Variants in EIF2B4 observed in about 807,000 individuals in gnomAD.
The protein encoded by EIF2B4 is eukaryotic translation initiation factor 2B subunit delta.
Under a neutral mutation model 66.7 loss-of-function variants are expected in EIF2B4, and 34 were observed. That is an observed-to-expected ratio of 0.51 (90% CI 0.39 to 0.68). EIF2B4 has a LOEUF of 0.68. Among genes scored for constraint, EIF2B4 ranks in the 30% least tolerant of loss-of-function variants. The pLI is 0.00. For missense variants in EIF2B4, 618 were observed against 657.9 expected, an observed-to-expected ratio of 0.94 and a Z score of 0.66; for synonymous variants, 278 against 253.6, an observed-to-expected ratio of 1.10 and a Z score of -0.92.
rs41288827 is a variant in EIF2B4 at position 27,364,399 on chromosome 2, G to C, written c.*1C>G. The C allele has an allele frequency of 6.2e-6, 10 of 1,613,838 alleles. No individual in the cohort carries two copies. In the East Asian group the frequency reaches 2.0e-4, roughly 32 times the overall value. On this transcript the variant is annotated 3_prime_UTR_variant, in exon 13 of 13. Coordinates refer to ENST00000347454, the MANE Select transcript of EIF2B4 (RefSeq NM_001034116.2). The stretch of plus-strand genomic sequence containing the variant: ...CATTTATTAACCCTGTGTTTCCCCC[G>C]TCACTGGTCACTGCTCTTGACTCGT...
chr2:27,366,658 TCAAAACAAAAA>T, intron 11 of EIF2B4, 90 bp downstream of exon 11: 1 of 1,472,582 alleles, frequency 6.8e-7, no homozygotes, highest in Non-Finnish European at 9.5e-7. Flanking sequence ...CATCCTTATC[TCAAAACAAAAA>T]CAAAACTGTA....
Position 27,368,742 on chromosome 2 carries a change from T to C in EIF2B4, c.419-9A>G. 1 of 1,613,712 alleles carries C rather than the reference T, an allele frequency of 6.2e-7. No individual in the cohort carries two copies. The highest frequency in any genetic ancestry group is 8.5e-7 in the Non-Finnish European group (1 of 1,179,590). ...AGGGAGACGCTTCACTCCTGAAAGA[T>C]AATCATCATGTTTTCAGGACACTGT... On this transcript the variant is annotated splice_polypyrimidine_tract_variant and intron_variant, in intron 4 of 12. Transcript: ENST00000347454.
Position 27,367,009 on chromosome 2 carries a change from T to G in EIF2B4, c.1013+65A>C. On this transcript the variant is annotated intron_variant, in intron 10 of 12. Coordinates refer to ENST00000347454, the MANE Select transcript of EIF2B4 (RefSeq NM_001034116.2). ...TGACTAACTTATTCCCAAAGGCAAG[T>G]GGGTAGTCCCTTCTTCAGATCATTC... The G allele has an allele frequency of 3.1e-6, 5 of 1,614,024 alleles. No homozygotes were observed. In the South Asian group the frequency reaches 5.5e-5, roughly 18 times the overall value.
In EIF2B4 at chr2:27,369,429, C is replaced by T. The variant is rs200290985; in HGVS notation, c.196G>A (p.Ala66Thr). ...AEPETGSAVSAAQCQVGPTRE... is the reference protein window; with the variant it reads ...AEPETGSAVSTAQCQVGPTRE... ...CCTCACTCACCTTGACATTGGGCTG[C>T]AGATACAGCAGAGCCAGTCTCTGGT... The change falls in exon 3 of 13, where the codon GCA (alanine) becomes ACA (threonine). Residue 66 changes from alanine to threonine, a missense_variant. Coordinates refer to ENST00000347454, the MANE Select transcript of EIF2B4 (RefSeq NM_001034116.2). 176 of 1,614,134 alleles carry T rather than the reference C, an allele frequency of 1.1e-4. 1 individual carries two copies. In the Middle Eastern group the frequency reaches 1.7e-3, roughly 15 times the overall value.
At chr2:27,367,331 G>T (rs1051355102) in intron 9 of EIF2B4, 126 bp downstream of exon 9, 3 of 1,574,186 alleles carry the variant, frequency 1.9e-6, no homozygotes, top group African/African-American at 2.7e-5. Context: ...AGTCAGAATG[G>T]CCAAACCATT....
chr2:27,369,067 T>C lies in EIF2B4; in HGVS notation c.357A>G (p.Lys119=). Residue 119 remains lysine, a synonymous_variant, in exon 4 of 13, where the codon AAA becomes AAG. Transcript: ENST00000347454. ...EAERALKQAR[K]GEQGGPPPKA... ...TAGGAGGTGGTCCTCCTTGTTCCCC[T>C]TTTCTTGCCTGTTTCAGGGCCCGCT... 6.2e-7 allele frequency: 1 copy of C among 1,614,156 alleles called. No individual in the cohort carries two copies. Among genetic ancestry groups the C allele is most frequent in the Non-Finnish European group, 8.5e-7 (1 of 1,180,016 alleles).
chr2:27,370,138 G>T, intron 1 of EIF2B4, 146 bp downstream of exon 1: 1 of 1,529,268 alleles, frequency 6.5e-7, no homozygotes, highest in Middle Eastern at 1.7e-4. Flanking sequence ...TGCGCGGCGC[G>T]GGACTGCGCT....
At chr2:27,368,503 T>G in intron 5 of EIF2B4, 40 bp from the exon 6 acceptor site, 1 of 1,586,316 alleles carries the variant, frequency 6.3e-7, no homozygotes, top group Non-Finnish European at 8.7e-7. Context: ...GCCCAGAGTT[T>G]AAAAAGGATG....
chr2:27,369,952 G>A, intron 1 of EIF2B4, 33 bp from the exon 2 acceptor site: 6 of 1,563,938 alleles, frequency 3.8e-6, no homozygotes, highest in Non-Finnish European at 4.3e-6. Flanking sequence ...AAGTGAGCCA[G>A]AGAGACTCCG....
Position 27,367,164 on chromosome 2 carries a change from A to G in EIF2B4, c.923T>C (p.Val308Ala). Residue 308 changes from valine to alanine, a missense_variant, in exon 10 of 13, where the codon GTG becomes GCG. This residue lies in a region of EIF2B4 where 506 missense variants were observed against 511.9 expected (regional missense o/e 0.99). Transcript: ENST00000347454. ...SELRAAIDRY[V>A]QEKIVLAAQA... ...AGCTGCTAGCACAATCTTCTCTTGC[A>G]CATACCGATCAATGGCTGCTCGAAG... is the stretch of plus-strand genomic sequence containing the variant. 4 of 1,614,224 alleles carry G rather than the reference A, an allele frequency of 2.5e-6. No individual in the cohort carries two copies. Among genetic ancestry groups the G allele is most frequent in the Non-Finnish European group, 3.4e-6 (4 of 1,180,042 alleles).
Position 27,364,516 on chromosome 2 carries a change from TCAA to T in EIF2B4, c.1453_1455del (p.Leu485del). 6.2e-7 allele frequency: 1 copy of T among 1,614,162 alleles called. No individual in the cohort carries two copies. Among genetic ancestry groups the T allele is most frequent in the Non-Finnish European group, 8.5e-7 (1 of 1,180,024 alleles). ...GGGGGAGTCACATCATAGACTAGAT[TCAA>T]CAACCGTAGGGATGCGTGGTTCTGC... On this transcript the variant is annotated inframe_deletion, in exon 13 of 13. Coordinates refer to ENST00000347454, the MANE Select transcript of EIF2B4 (RefSeq NM_001034116.2).
chr2:27,365,951 T>C (rs1401576166), intron 11 of EIF2B4: 1 of 152,634 alleles, frequency 6.6e-6, no homozygotes, highest in East Asian at 1.9e-4. Context: ...GACAGCTCAC[T>C]GTAGCCTCAA....
Position 27,369,141 on chromosome 2 carries a change from G to A in EIF2B4, c.283C>T (p.Arg95Trp), listed in dbSNP as rs756288383. 7 of 1,613,248 alleles carry A rather than the reference G, an allele frequency of 4.3e-6. No individual in the cohort carries two copies. The highest frequency in any genetic ancestry group is 2.2e-5 in the East Asian group (1 of 44,870). Residue 95 changes from arginine (R) to tryptophan (W), a missense_variant, in exon 4 of 13, where the codon CGG (arginine) becomes TGG (tryptophan). Transcript: ENST00000347454. ...GTPREKVPAG[R>W]SKAELRAERR... ...TCAGCCCGAAGTTCGGCCTTACTCC[G>A]ACCAGCTGGAACTTTCTCCCGAGGA... is the stretch of plus-strand genomic sequence containing the variant.
intron 1 of EIF2B4, 154 bp from the exon 2 acceptor site, chr2:27,370,073 G>A: frequency 6.6e-7 from 1 of 1,504,474 alleles, no homozygotes; most frequent in South Asian, 1.3e-5. Flanking sequence ...GACGCACTGC[G>A]CGGCGGATCA....
At chr2:27,366,094 CTGTG>C (rs59639860) in intron 11 of EIF2B4, 2,085 of 110,840 alleles carry the variant, frequency 0.019, 146 homozygotes, top group African/African-American at 0.071. Context: ...TCCTAAGTAG[CTGTG>C]TGTGTGTGTG....
chr2:27,367,172 A>C lies in EIF2B4; in HGVS notation c.915T>G (p.Asp305Glu). ...GCACAATCTTCTCTTGCACATACCG[A>C]TCAATGGCTGCTCGAAGTTCTGACT... is the stretch of plus-strand genomic sequence containing the variant. ...EAKSELRAAI[D>E]RYVQEKIVLA... The change falls in exon 10 of 13, where the codon GAT becomes GAG. Residue 305 changes from aspartate to glutamate, a missense_variant. Physicochemically the swap from Asp to Glu is conservative, Grantham distance 45 (BLOSUM62 2). Around this residue, in one of 4 missense-constraint regions of EIF2B4, gnomAD observed 506 missense variants for 511.9 expected, o/e 0.99. Coordinates refer to ENST00000347454, the MANE Select transcript of EIF2B4 (RefSeq NM_001034116.2). 1.2e-6 allele frequency: 2 copies of C among 1,614,194 alleles called. No homozygotes were observed. Among genetic ancestry groups the C allele is most frequent in the Non-Finnish European group, 1.7e-6 (2 of 1,180,040 alleles).
chr2:27,364,752 A>G lies in EIF2B4; in HGVS notation c.1338T>C (p.Arg446=), dbSNP rs758540260. The part of the protein sequence containing the change: ...VCCETYKFCE[R]VQTDAFVSNE... ...TAGAGACAAAGGCATCAGTCTGCACACGCTCACAGAACTTGTATGTTTCAC... is the reference window on the plus strand; with the variant it reads ...TAGAGACAAAGGCATCAGTCTGCACGCGCTCACAGAACTTGTATGTTTCAC... Residue 446 remains arginine (R), a synonymous_variant, in exon 12 of 13, where the codon CGT becomes CGC. Coordinates refer to ENST00000347454, the MANE Select transcript of EIF2B4 (RefSeq NM_001034116.2). 1.2e-6 allele frequency: 2 copies of G among 1,614,196 alleles called. No homozygotes were observed. Among genetic ancestry groups the G allele is most frequent in the East Asian group, 2.2e-5 (1 of 44,886 alleles).
intron 6 of EIF2B4, 30 bp downstream of exon 6, chr2:27,368,342 A>G: frequency 1.3e-6 from 2 of 1,588,430 alleles, no homozygotes; most frequent in Non-Finnish European, 8.6e-7. Context: ...CCTCAGACTC[A>G]AAAGTTATGA....
rs967249231 is a variant in EIF2B4 at position 27,364,394 on chromosome 2, C to T, written c.*6G>A. 2.5e-6 allele frequency: 4 copies of T among 1,613,622 alleles called. No individual in the cohort carries two copies. The South Asian group carries it at 3.3e-5, about 13-fold the overall frequency. ...TATGGCATTTATTAACCCTGTGTTT[C>T]CCCCGTCACTGGTCACTGCTCTTGA... On this transcript the variant is annotated 3_prime_UTR_variant, in exon 13 of 13. Transcript: ENST00000347454.
Sources: allele counts gnomAD v4.1 joint callset, GRCh38; gene constraint gnomAD v4.1.1; regional missense constraint gnomAD v4.1.1; transcripts MANE v1.5; gene names NCBI Gene and HGNC (gene_info 2026-07-23, HGNC 2026-07-21).